The following MYOF variants were observed in gnomAD, a reference collection of about 807,000 sequenced individuals.
MYOF encodes the protein myoferlin, also known as fer-1-like 3, myoferlin.
In MYOF, 244 loss-of-function variants were observed where a neutral mutation model predicts 284.2. That is an observed-to-expected ratio of 0.86 (90% CI 0.77 to 0.95). The LOEUF is 0.95. MYOF is among the 40% of genes least tolerant of loss of function. The pLI, the probability that MYOF is intolerant of heterozygous loss-of-function variation, is 0.00. For missense variants in MYOF, 2,496 were observed against 2,560.6 expected (o/e 0.97, Z 0.54); for synonymous variants, 904 against 919.7 (o/e 0.98, Z 0.31).
chr10:93,460,080 G>T (rs1358364256), intron 1 of MYOF, among the ~76,000 whole-genome samples: 1 of 152,176 alleles, frequency 6.6e-6, no homozygotes, highest in Non-Finnish European at 1.5e-5. Context: ...CAGGCTTGGG[G>T]TAGGATTTGC....
intron 49 of MYOF, among the ~76,000 whole-genome samples, chr10:93,319,237 C>T (rs894601503): frequency 1.3e-5 from 2 of 152,200 alleles, no homozygotes; most frequent in Non-Finnish European, 2.9e-5. Flanking sequence ...GCCACTGTCT[C>T]CTGGGGAAGA....
rs756925871 is a variant in MYOF at position 93,347,665 on chromosome 10, G to T, written c.4201C>A (p.Arg1401Ser). ...TCTTTCCCTGCATAAGGGTCACAGCGAAAGCGGTCCAGGCGCTCGATGGTG... is the reference window on the plus strand; with the variant it reads ...TCTTTCCCTGCATAAGGGTCACAGCTAAAGCGGTCCAGGCGCTCGATGGTG... Reference protein sequence around the residue: ...QCTIERLDRFRCDPYAGKEDI... With the variant: ...QCTIERLDRFSCDPYAGKEDI... Residue 1401 changes from arginine to serine, a missense_variant, in exon 37 of 54, where the codon CGC becomes AGC. Arg to Ser is a moderately radical substitution (Grantham distance 110, BLOSUM62 -1). This residue lies in a region of MYOF where 2,436 missense variants were observed against 2,480.7 expected (regional missense o/e 0.98). Coordinates refer to ENST00000359263, the MANE Select transcript of MYOF (RefSeq NM_013451.4). The T allele has an allele frequency of 6.2e-7, 1 of 1,613,970 alleles. No homozygotes were observed. The highest frequency in any genetic ancestry group is 1.1e-5 in the South Asian group (1 of 91,070).
chr10:93,406,756 T>C (rs1847611764), intron 7 of MYOF, among the ~76,000 whole-genome samples: 1 of 151,970 alleles, frequency 6.6e-6, no homozygotes, highest in African/African-American at 2.4e-5. Flanking sequence ...AAATAGGACC[T>C]TCTGCAGAGC....
intron 45 of MYOF, among the ~76,000 whole-genome samples, 179 bp from the exon 46 acceptor site, chr10:93,326,144 T>C (rs1022384109): frequency 6.6e-6 from 1 of 152,226 alleles, no homozygotes; most frequent in Non-Finnish European, 1.5e-5. Flanking sequence ...CCAGGAGCCC[T>C]GTCCCAACCA....
At position 93,369,758 on chromosome 10, in the gene MYOF, T is replaced by C. The variant is rs1296187985; in HGVS notation, c.2476A>G (p.Asn826Asp). ...IFLKYPQEKN[N>D]GPKVPVELRV... Reference sequence around the variant, plus strand: ...AACTCCACAGGCACCTTTGGCCCGTTGTTTTTCTCCTGTGGATACTGTGAG... The same window carrying C: ...AACTCCACAGGCACCTTTGGCCCGTCGTTTTTCTCCTGTGGATACTGTGAG... Residue 826 changes from asparagine (N) to aspartate (D), a missense_variant, in exon 25 of 54, where the codon AAC becomes GAC. Asn to Asp is a conservative substitution (Grantham distance 23). This residue lies in a region of MYOF where 2,436 missense variants were observed against 2,480.7 expected (regional missense o/e 0.98). Coordinates refer to ENST00000359263, the MANE Select transcript of MYOF (RefSeq NM_013451.4). 2.5e-6 allele frequency: 4 copies of C among 1,614,204 alleles called. No homozygotes were observed. Among genetic ancestry groups the C allele is most frequent in the Middle Eastern group, 1.6e-4 (1 of 6,062 alleles).
At chr10:93,377,568 G>A in intron 21 of MYOF, 139 bp from the exon 22 acceptor site, 1 of 647,982 alleles carries the variant, frequency 1.5e-6, no homozygotes, top group Non-Finnish European at 2.6e-6. Flanking sequence ...AGCAAAGATA[G>A]GAGAGGGAAC....
intron 1 of MYOF, among the ~76,000 whole-genome samples, chr10:93,466,996 A>G (rs1356879669): frequency 6.8e-6 from 1 of 148,122 alleles, no homozygotes; most frequent in Non-Finnish European, 1.5e-5. Flanking sequence ...AAGCAAACAA[A>G]CAAACAACAA....
At chr10:93,367,484 T>C (rs961665363) in intron 25 of MYOF, among the ~76,000 whole-genome samples, 1 of 152,222 alleles carries the variant, frequency 6.6e-6, no homozygotes, top group African/African-American at 2.4e-5. Flanking sequence ...TTATCTCAGA[T>C]ACTGGCTGTC....
intron 31 of MYOF, among the ~76,000 whole-genome samples, chr10:93,354,099 G>T (rs935339456): frequency 6.6e-6 from 1 of 152,198 alleles, no homozygotes; most frequent in Non-Finnish European, 1.5e-5. Flanking sequence ...TTTAGGCTGG[G>T]TGCAGTGGCT....
chr10:93,354,753 A>G (rs1472491745), intron 31 of MYOF, among the ~76,000 whole-genome samples: 2 of 148,476 alleles, frequency 1.3e-5, no homozygotes, highest in East Asian at 2.0e-4. Context: ...TGGGAGCTCT[A>G]CTACCTGAGT....
chr10:93,347,349 G>A (rs1043519473), intron 37 of MYOF, among the ~76,000 whole-genome samples: 15 of 150,816 alleles, frequency 9.9e-5, no homozygotes, highest in Admixed American at 9.9e-4. Context: ...TCAGGAGATC[G>A]AGACCATCCT....
chr10:93,409,685 C>G lies in MYOF; in HGVS notation c.488G>C (p.Gly163Ala), dbSNP rs137909001. The G allele has an allele frequency of 1.5e-4, 243 of 1,614,210 alleles. No individual in the cohort carries two copies. The African/African-American group carries it at 2.7e-3, about 18-fold the overall frequency. Residue 163 changes from glycine to alanine, a missense_variant, in exon 6 of 54, where the codon GGC becomes GCC. By Grantham distance (60) the Gly-to-Ala change is moderately conservative (BLOSUM62 0). Transcript: ENST00000359263. ...CCCAACTGGCCCCTTGGGCCCAGGG[C>G]CCCTGACTGCATTGTCCAACCTGTC... ...DEDRLDNAVR[G>A]PGPKGPVGTV... is the part of the protein sequence containing the mutation.
rs1259314239 is a variant in MYOF, at chr10:93,389,091, T to C, written c.1520A>G (p.Tyr507Cys). ...PTFGPCYLNL[Y>C]GSPREYTGFP... is the part of the protein sequence containing the mutation. Reference sequence around the variant, plus strand: ...TCCCGTGTACTCTCTGGGGCTTCCATAAAGATTCAGGTAACAAGGTCCAAA... The same window carrying C: ...TCCCGTGTACTCTCTGGGGCTTCCACAAAGATTCAGGTAACAAGGTCCAAA... The change falls in exon 18 of 54, where the codon TAT becomes TGT. Residue 507 changes from tyrosine to cysteine, a missense_variant. This residue lies in a region of MYOF where 2,436 missense variants were observed against 2,480.7 expected (regional missense o/e 0.98). Transcript: ENST00000359263. 1 of 1,614,068 alleles carries C rather than the reference T, an allele frequency of 6.2e-7. No individual in the cohort carries two copies. Among genetic ancestry groups the C allele is most frequent in the Non-Finnish European group, 8.5e-7 (1 of 1,180,024 alleles).
chr10:93,330,676 G>T (rs1843256834), intron 43 of MYOF, among the ~76,000 whole-genome samples: 1 of 152,050 alleles, frequency 6.6e-6, no homozygotes, highest in Non-Finnish European at 1.5e-5. Flanking sequence ...GTGGGCTTTG[G>T]GCTCTGTATC....
chr10:93,313,335 T>TA, intron 50 of MYOF, 125 bp from the exon 51 acceptor site: 1 of 864,176 alleles, frequency 1.2e-6, no homozygotes, highest in Non-Finnish European at 1.7e-6. Flanking sequence ...AATGGTGAGT[T>TA]AGAGAAAGGG....
At chr10:93,374,495 C>T (rs557368735) in intron 23 of MYOF, among the ~76,000 whole-genome samples, 11 of 152,132 alleles carry the variant, frequency 7.2e-5, no homozygotes, top group African/African-American at 1.2e-4. Flanking sequence ...AAATATTCTC[C>T]GACAGTACCA....
intron 26 of MYOF, 101 bp downstream of exon 26, chr10:93,366,291 C>A (rs1845322220): frequency 4.7e-6 from 6 of 1,282,642 alleles, no homozygotes; most frequent in Non-Finnish European, 5.5e-6. Flanking sequence ...GTGGGTGTTA[C>A]ATAACTATTA....
At chr10:93,467,650 T>C (rs1032666740) in intron 1 of MYOF, among the ~76,000 whole-genome samples, 4 of 152,140 alleles carry the variant, frequency 2.6e-5, no homozygotes, top group African/African-American at 4.8e-5. Flanking sequence ...TTATAAATCA[T>C]GCTGCTATAA....
At chr10:93,404,686 C>G (rs1847471746) in intron 7 of MYOF, among the ~76,000 whole-genome samples, 1 of 149,808 alleles carries the variant, frequency 6.7e-6, no homozygotes, top group Non-Finnish European at 1.5e-5. Context: ...AAGGTGACTT[C>G]ATGCTGCAAT....
Sources: allele counts gnomAD v4.1 joint callset (sites outside exome capture counted in the v4.1 genomes callset), GRCh38; gene constraint gnomAD v4.1.1; regional missense constraint gnomAD v4.1.1; transcripts MANE v1.5; gene names NCBI Gene and HGNC (gene_info 2026-07-23, HGNC 2026-07-21).